Variants in ABRAXAS2 observed in about 807,000 individuals in gnomAD.
ABRAXAS2 encodes BRISC complex subunit Abraxas 2.
Under a neutral mutation model 49.0 loss-of-function variants are expected in ABRAXAS2, and 23 were observed. The ratio of observed to expected loss-of-function variants is 0.47; its 90% CI spans 0.34 to 0.66. The LOEUF (loss-of-function observed/expected upper bound fraction) is 0.66. Ranked by LOEUF, ABRAXAS2 falls within the 30% of genes least tolerant of loss-of-function variation. The pLI, the probability that ABRAXAS2 is intolerant of heterozygous loss-of-function variation, is 0.01. For missense variants in ABRAXAS2, 443 were observed against 511.9 expected, an observed-to-expected ratio of 0.87 and a Z score of 1.30; for synonymous variants, 168 against 180.2, an observed-to-expected ratio of 0.93 and a Z score of 0.54.
At chr10:124,828,920 A>C (rs1289903326) in intron 6 of ABRAXAS2, 45 bp downstream of exon 6, 2 of 1,594,358 alleles carry the variant, frequency 1.3e-6, no homozygotes, top group Non-Finnish European at 1.7e-6. Context: ...TGTCAGCAAT[A>C]TTTCTTTTGT....
intron 1 of ABRAXAS2, among the ~76,000 whole-genome samples, chr10:124,805,811 GGAGA>G (rs1443916727): frequency 3.3e-5 from 5 of 152,130 alleles, no homozygotes; most frequent in African/African-American, 1.2e-4. Flanking sequence ...TGATATCTGG[GGAGA>G]GAGATTCCAG....
At chr10:124,808,002 T>C (rs1461332231) in intron 2 of ABRAXAS2, among the ~76,000 whole-genome samples, 1 of 152,182 alleles carries the variant, frequency 6.6e-6, no homozygotes, top group South Asian at 2.1e-4. Flanking sequence ...GGAGGAGATA[T>C]CTGGGGAAGA....
intron 2 of ABRAXAS2, among the ~76,000 whole-genome samples, chr10:124,807,273 A>C (rs1258827713): frequency 8.9e-6 from 1 of 112,922 alleles, no homozygotes; most frequent in Non-Finnish European, 1.8e-5. Flanking sequence ...AGATCGCGCC[A>C]CTGCACTCCA....
intron 3 of ABRAXAS2, 22 bp from the exon 4 acceptor site, chr10:124,819,362 A>G (rs1950846338): frequency 6.2e-7 from 1 of 1,607,680 alleles, no homozygotes; most frequent in East Asian, 2.2e-5. Flanking sequence ...GTGTTAGTAC[A>G]AGATTTTTTT....
intron 3 of ABRAXAS2, among the ~76,000 whole-genome samples, chr10:124,818,991 T>G (rs115593948): frequency 0.01 from 1,550 of 152,354 alleles, 26 homozygotes; most frequent in African/African-American, 0.036. Context: ...GCCCAATGTC[T>G]TCTTCCACAT....
intron 2 of ABRAXAS2, among the ~76,000 whole-genome samples, 194 bp from the exon 3 acceptor site, chr10:124,816,382 T>C (rs1029981306): frequency 2.0e-5 from 3 of 152,224 alleles, no homozygotes; most frequent in Non-Finnish European, 2.9e-5. Flanking sequence ...TTTCATTCTG[T>C]AGTCTCTTTT....
In ABRAXAS2 at chr10:124,834,681, T is replaced by G. The variant is rs754722595; in HGVS notation, c.958T>G (p.Leu320Val). 3.5e-5 allele frequency: 56 copies of G among 1,614,022 alleles called. No homozygotes were observed. In the East Asian group the frequency reaches 4.7e-4, roughly 13 times the overall value. The change falls in exon 9 of 9, where the codon TTG becomes GTG. Residue 320 changes from leucine to valine, a missense_variant. By Grantham distance (32) the Leu-to-Val change is conservative. Transcript: ENST00000298492. Reference sequence around the variant, plus strand: ...TCACCCAAACAATCAAGAAAGTACTTTGAGCCACTCTCGCATGGAAAGGAG... The same window carrying G: ...TCACCCAAACAATCAAGAAAGTACTGTGAGCCACTCTCGCATGGAAAGGAG... ...DFHPNNQEST[L>V]SHSRMERSVF...
chr10:124,802,236 T>G (rs1188399584), intron 1 of ABRAXAS2, among the ~76,000 whole-genome samples: 1 of 152,088 alleles, frequency 6.6e-6, no homozygotes, highest in Admixed American at 6.5e-5. Context: ...AAAGTCAGGC[T>G]TCTAGACTTA....
intron 7 of ABRAXAS2, among the ~76,000 whole-genome samples, chr10:124,830,508 C>T (rs1196805918): frequency 6.6e-6 from 1 of 152,064 alleles, no homozygotes; most frequent in East Asian, 1.9e-4. Context: ...AAGACAGATA[C>T]TGAAAAAGAG....
chr10:124,801,970 C>T, intron 1 of ABRAXAS2, 69 bp downstream of exon 1: 1 of 1,528,520 alleles, frequency 6.5e-7, no homozygotes, highest in Non-Finnish European at 9.0e-7. Context: ...GCGCTCGCGG[C>T]CAAGCCGGGA....
intron 2 of ABRAXAS2, among the ~76,000 whole-genome samples, chr10:124,808,171 C>A (rs576841660): frequency 6.6e-6 from 1 of 150,770 alleles, no homozygotes; most frequent in African/African-American, 2.5e-5. Context: ...TTTATTTATG[C>A]GGCAAACTTT....
At chr10:124,812,970 G>A (rs530074905) in intron 2 of ABRAXAS2, among the ~76,000 whole-genome samples, 3 of 152,288 alleles carry the variant, frequency 2.0e-5, no homozygotes, top group Admixed American at 2.0e-4. Context: ...GGGAGGCCAA[G>A]GCAGGCAGAT....
intron 8 of ABRAXAS2, among the ~76,000 whole-genome samples, chr10:124,833,147 A>G (rs1312180531): frequency 6.8e-6 from 1 of 146,976 alleles, no homozygotes; most frequent in Non-Finnish European, 1.5e-5. Context: ...CTCTGTCTCA[A>G]AAAAAAAAAA....
chr10:124,808,532 A>G (rs1321755384), intron 2 of ABRAXAS2, among the ~76,000 whole-genome samples: 1 of 152,160 alleles, frequency 6.6e-6, no homozygotes, highest in Non-Finnish European at 1.5e-5. Context: ...TGGGCAGTGA[A>G]GGAAATACCC....
chr10:124,831,021 C>T lies in ABRAXAS2; in HGVS notation c.664-328C>T, dbSNP rs545479282. Among the ~76,000 whole-genome samples, 7 of 152,140 alleles carry T rather than the reference C, an allele frequency of 4.6e-5. No individual in the cohort carries two copies. The South Asian group carries it at 1.5e-3, about 32-fold the overall frequency. ...TCTTATTCCTGTCTTATCTTTTGTT[C>T]TTCTTTGTATGCTAAACTGGTACCA... On this transcript the variant is annotated intron_variant, in intron 7 of 8. Coordinates refer to ENST00000298492, the MANE Select transcript of ABRAXAS2 (RefSeq NM_032182.4).
At chr10:124,818,398 CAAAAAAAA>C (rs754223417) in intron 3 of ABRAXAS2, among the ~76,000 whole-genome samples, 1 of 59,786 alleles carries the variant, frequency 1.7e-5, no homozygotes, top group African/African-American at 5.9e-5. Flanking sequence ...TCCATCTCAA[CAAAAAAAA>C]AAAAAAAAAA....
chr10:124,801,959 G>A (rs1202536774), intron 1 of ABRAXAS2, 58 bp downstream of exon 1: 1 of 1,562,754 alleles, frequency 6.4e-7, no homozygotes, highest in Non-Finnish European at 8.8e-7. Context: ...GTCTCAGGCC[G>A]GCGCTCGCGG....
chr10:124,803,185 T>C (rs532218060), intron 1 of ABRAXAS2, among the ~76,000 whole-genome samples: 32 of 152,208 alleles, frequency 2.1e-4, no homozygotes, highest in Non-Finnish European at 4.0e-4. Context: ...GCAAGATTAC[T>C]GTAAGAACAA....
At chr10:124,834,041 G>A (rs1002630982) in intron 8 of ABRAXAS2, among the ~76,000 whole-genome samples, 43 of 152,256 alleles carry the variant, frequency 2.8e-4, no homozygotes, top group African/African-American at 8.7e-4. Context: ...ATAGGAGGCT[G>A]CCAAAGAAAG....
Sources: gnomAD v4.1 joint callset for allele counts (sites outside exome capture counted in the v4.1 genomes callset) on GRCh38, gnomAD v4.1.1 for gene constraint, MANE v1.5 for transcripts, NCBI Gene and HGNC (gene_info 2026-07-23, HGNC 2026-07-21) for gene names.